Variants in KIF1B observed in about 807,000 individuals in gnomAD.
KIF1B encodes kinesin family member 1B, also known as kinesin-like protein KIF1B.
KIF1B carries 76 observed loss-of-function variants against 241.9 expected under a neutral mutation model. The observed-to-expected ratio is 0.31, with a 90% CI of 0.26 to 0.38. The LOEUF is 0.38. Ranked by LOEUF, KIF1B falls within the 10% of genes least tolerant of loss-of-function variation. KIF1B has a pLI of 1.00. For synonymous variants in KIF1B, 750 were observed against 796.7 expected (o/e 0.94, Z 0.99); for missense variants, 1,622 against 2,271.4 (o/e 0.71, Z 5.81).
intron 15 of KIF1B, among the ~76,000 whole-genome samples, chr1:10,284,906 A>G (rs946009363): frequency 6.6e-6 from 1 of 152,114 alleles, no homozygotes; most frequent in African/African-American, 2.4e-5. Flanking sequence ...TTCTTCCTTC[A>G]GAACATGTAA....
At position 10,291,146 on chromosome 1, in the gene KIF1B, C is replaced by T; in HGVS notation, c.1499C>T (p.Ala500Val). ...TWEEKLRKTE[A>V]IRMEREALLA... ...GAAGAGAAGCTTCGTAAAACAGAGG[C>T]CATCAGAATGGAGAGGTCAGGAGGT... Residue 500 changes from alanine (A) to valine (V), a missense_variant, in exon 16 of 49, where the codon GCC (alanine) becomes GTC (valine). Physicochemically the swap from Ala to Val is moderately conservative, Grantham distance 64. Coordinates refer to ENST00000676179, the MANE Select transcript of KIF1B (RefSeq NM_001365951.3). 1 of 1,611,110 alleles carries T rather than the reference C, an allele frequency of 6.2e-7. No homozygotes were observed. Among genetic ancestry groups the T allele is most frequent in the Non-Finnish European group, 8.5e-7 (1 of 1,177,628 alleles).
intron 2 of KIF1B, among the ~76,000 whole-genome samples, chr1:10,234,521 G>GTTTGT (rs1647024342): frequency 6.7e-6 from 1 of 149,178 alleles, no homozygotes; most frequent in Admixed American, 6.7e-5. Context: ...TTTTTTGTTT[G>GTTTGT]TTTTTTCTTT....
chr1:10,248,207 T>C (rs923277150), intron 2 of KIF1B, among the ~76,000 whole-genome samples: 186 of 152,224 alleles, frequency 1.2e-3, no homozygotes, highest in African/African-American at 4.3e-3. Context: ...TTGTTGTTGT[T>C]GTTGTTGAGA....
At chr1:10,295,429 T>C (rs1344988805) in intron 18 of KIF1B, among the ~76,000 whole-genome samples, 15 of 152,218 alleles carry the variant, frequency 9.9e-5, no homozygotes, top group South Asian at 2.1e-4. Context: ...GACTCATGTC[T>C]TTATAATACT....
intron 22 of KIF1B, among the ~76,000 whole-genome samples, chr1:10,315,791 C>T (rs768509737): frequency 3.3e-5 from 5 of 151,334 alleles, no homozygotes; most frequent in Non-Finnish European, 5.9e-5. Flanking sequence ...TGCAGTGGCT[C>T]ACGCCTCTAA....
chr1:10,316,272 G>A (rs1651301775), intron 22 of KIF1B, among the ~76,000 whole-genome samples: 1 of 151,296 alleles, frequency 6.6e-6, no homozygotes, highest in Non-Finnish European at 1.5e-5. Context: ...GTGATGTTGT[G>A]TACTTCCTGT....
chr1:10,212,691 C>G (rs537551142), intron 1 of KIF1B, among the ~76,000 whole-genome samples: 2 of 151,838 alleles, frequency 1.3e-5, no homozygotes, highest in Admixed American at 1.3e-4. Flanking sequence ...CGAGACCACC[C>G]TGGGCAACAG....
In KIF1B at chr1:10,374,831, T is replaced by G. The variant is rs77294813; in HGVS notation, c.5097-23T>G. On this transcript the variant is annotated intron_variant, in intron 46 of 48. Transcript: ENST00000676179. The surrounding 1 kb of genome is among the most constrained non-coding windows in gnomAD (Gnocchi z 4.3). ...TATTTTCTTTTTGTGAGAAACTAACTTTTGTCATATTGTCGTTTTTAGCTC... is the reference window on the plus strand; with the variant it reads ...TATTTTCTTTTTGTGAGAAACTAACGTTTGTCATATTGTCGTTTTTAGCTC... 1,398 of 1,611,824 alleles carry G rather than the reference T, an allele frequency of 8.7e-4. 9 individuals are homozygous for G. In the African/African-American group the frequency reaches 0.017, roughly 20 times the overall value.
At chr1:10,262,101 T>C in intron 5 of KIF1B, 131 bp downstream of exon 5, 1 of 738,308 alleles carries the variant, frequency 1.4e-6, no homozygotes, top group Non-Finnish European at 2.4e-6. Flanking sequence ...TTTCAGGCTA[T>C]TTCTGGGTTT....
chr1:10,345,580 CA>C (rs1325394156), intron 34 of KIF1B: 1 of 443,906 alleles, frequency 2.3e-6, no homozygotes, highest in East Asian at 4.6e-5. Flanking sequence ...TTATTCTACA[CA>C]AAAGCTGTTT....
In KIF1B at chr1:10,365,519, C is replaced by T. The variant is rs1415477397; in HGVS notation, c.4623C>T (p.Thr1541=). 2 of 1,614,146 alleles carry T rather than the reference C, an allele frequency of 1.2e-6. No homozygotes were observed. Among genetic ancestry groups the T allele is most frequent in the African/African-American group, 1.3e-5 (1 of 75,036 alleles). The change falls in exon 43 of 49, where the codon ACC becomes ACT. Residue 1541 remains threonine, a synonymous_variant. Transcript: ENST00000676179. The surrounding 1 kb of genome is among the most constrained non-coding windows in gnomAD (Gnocchi z 4.0). ...GCCTCAGCAGTGGGACCCTCAGCAC[C>T]TCCACCAGTATCTCCTCTCAGATCT... ...SPSLSSGTLS[T]STSISSQIST... is the part of the protein sequence containing the mutation.
chr1:10,361,640 A>G, intron 39 of KIF1B, 52 bp from the exon 40 acceptor site: 1 of 1,608,118 alleles, frequency 6.2e-7, no homozygotes, highest in Non-Finnish European at 8.5e-7. Context: ...TATAGACTCT[A>G]GTCACAGTAC....
chr1:10,345,853 A>G lies in KIF1B; in HGVS notation c.3697A>G (p.Thr1233Ala). 6.2e-7 allele frequency: 1 copy of G among 1,614,022 alleles called. No individual in the cohort carries two copies. The highest frequency in any genetic ancestry group is 8.5e-7 in the Non-Finnish European group (1 of 1,179,856). ...PMPLSKPVPA[T>A]KLNTMSKTSL... is the part of the protein sequence containing the mutation. ...CTAAAAACTTTTAAAAGTTCCAGCC[A>G]CCAAGTTAAACACGATGAGCAAAAC... is the stretch of plus-strand genomic sequence containing the variant. The change falls in exon 35 of 49, where the codon ACC (threonine) becomes GCC (alanine). Residue 1233 changes from threonine to alanine, a missense_variant. By Grantham distance (58) the Thr-to-Ala change is moderately conservative. Transcript: ENST00000676179.
intron 27 of KIF1B, among the ~76,000 whole-genome samples, chr1:10,331,947 A>AG (rs1651957203): frequency 6.6e-6 from 1 of 150,910 alleles, no homozygotes; most frequent in Non-Finnish European, 1.5e-5. Context: ...TGAAATATAA[A>AG]GTGTTAGAGC....
At position 10,303,151 on chromosome 1, in the gene KIF1B, G is replaced by C. The variant is rs1371939169; in HGVS notation, c.2115+5905G>C. ...TATTTTGGGGCCATTTTTTGATTTT[G>C]TTTTTCCAAAGGACGCGGATTCTGA... On this transcript the variant is annotated intron_variant, in intron 22 of 48. Transcript: ENST00000676179. The surrounding 1 kb of genome is among the most constrained non-coding windows in gnomAD (Gnocchi z 5.2). 6.3e-7 allele frequency: 1 copy of C among 1,596,212 alleles called. No individual in the cohort carries two copies. Among genetic ancestry groups the C allele is most frequent in the African/African-American group, 1.4e-5 (1 of 73,792 alleles).
intron 22 of KIF1B, among the ~76,000 whole-genome samples, chr1:10,319,514 G>A (rs1350996058): frequency 6.6e-6 from 1 of 152,136 alleles, no homozygotes; most frequent in Non-Finnish European, 1.5e-5. Context: ...GTTACCTGAA[G>A]GCTAAACTCA....
At chr1:10,242,553 G>C (rs1489995360) in intron 2 of KIF1B, among the ~76,000 whole-genome samples, 1 of 152,116 alleles carries the variant, frequency 6.6e-6, no homozygotes, top group East Asian at 1.9e-4. Flanking sequence ...GTCTTGCCCT[G>C]TCACCCAGGC....
At chr1:10,345,673 A>AT (rs1180214042) in intron 34 of KIF1B, 172 bp from the exon 35 acceptor site, 1 of 628,980 alleles carries the variant, frequency 1.6e-6, no homozygotes, top group Non-Finnish European at 2.9e-6. Flanking sequence ...GAGATAACTA[A>AT]TAACTTACAA....
In KIF1B at chr1:10,374,890, G is replaced by A. The variant is rs1238178493; in HGVS notation, c.5133G>A (p.Lys1711=). 6.2e-7 allele frequency: 1 copy of A among 1,613,286 alleles called. No homozygotes were observed. The highest frequency in any genetic ancestry group is 1.1e-5 in the South Asian group (1 of 91,056). Residue 1711 remains lysine (K), a synonymous_variant, in exon 47 of 49, where the codon AAG becomes AAA. Coordinates refer to ENST00000676179, the MANE Select transcript of KIF1B (RefSeq NM_001365951.3). This position sits in a 1 kb window ranked among gnomAD's most constrained non-coding sequence, Gnocchi z 4.3. ...CTAAGAAAGGATACCTTCATTTCAA[G>A]GAGCCTCTTTACAGTAACTGGGCTA... is the stretch of plus-strand genomic sequence containing the variant. ...VVSKKGYLHF[K]EPLYSNWAKH... is the part of the protein sequence containing the mutation.
Sources: gnomAD v4.1 joint callset for allele counts (sites outside exome capture counted in the v4.1 genomes callset) on GRCh38, gnomAD v4.1.1 for gene constraint, Gnocchi (gnomAD v3.1) non-coding constraint, MANE v1.5 for transcripts, NCBI Gene and HGNC (gene_info 2026-07-23, HGNC 2026-07-21) for gene names.